STAU2: variants seen among roughly 807,000 people sequenced by gnomAD.
The protein encoded by STAU2 is staufen double-stranded RNA binding protein 2.
Under a neutral mutation model 65.9 loss-of-function variants are expected in STAU2, and 20 were observed. The ratio of observed to expected loss-of-function variants is 0.30; its 90% CI spans 0.21 to 0.44. STAU2 has a LOEUF of 0.44. Ranked by LOEUF, STAU2 falls within the 20% of genes least tolerant of loss-of-function variation. The pLI is 1.00. For missense variants in STAU2, 558 were observed against 683.9 expected, an observed-to-expected ratio of 0.82 and a Z score of 2.05; for synonymous variants, 232 against 233.9, an observed-to-expected ratio of 0.99 and a Z score of 0.07.
Position 73,709,051 on chromosome 8 carries a change from C to G in STAU2, c.95G>C (p.Arg32Thr). ...CCTTACCTTTGAATGAGCAGGCCCT[C>G]TTTCATTCAGAAGTTTATACTGGGG... Reference protein sequence around the residue: ...VQPQYKLLNERGPAHSKMFSV... With the variant: ...VQPQYKLLNETGPAHSKMFSV... The change falls in exon 4 of 15, where the codon AGA becomes ACA. Residue 32 changes from arginine (R) to threonine (T), a missense_variant. Physicochemically the swap from Arg to Thr is moderately conservative, Grantham distance 71 (BLOSUM62 -1). This residue lies in a region of STAU2 where 112 missense variants were observed against 114.2 expected (regional missense o/e 0.98). Transcript: ENST00000524300. 1 of 1,529,488 alleles carries G rather than the reference C, an allele frequency of 6.5e-7. No homozygotes were observed. Among genetic ancestry groups the G allele is most frequent in the Admixed American group, 2.0e-5 (1 of 50,350 alleles). 94.7% of individuals were successfully genotyped at this position (1,529,488 alleles called of 1,614,324 possible). A position where few individuals can be genotyped will look rare whatever the true frequency, so the allele number is the denominator to read the frequency against.
chr8:73,538,396 G>A (rs1806319177), intron 13 of STAU2, among the ~76,000 whole-genome samples: 1 of 152,058 alleles, frequency 6.6e-6, no homozygotes, highest in South Asian at 2.1e-4. Flanking sequence ...AAGTAGCCAA[G>A]AGCCTATTAA....
chr8:73,590,394 G>C (rs1207598967), intron 11 of STAU2, among the ~76,000 whole-genome samples: 1 of 152,090 alleles, frequency 6.6e-6, no homozygotes, highest in Non-Finnish European at 1.5e-5. Flanking sequence ...ACTTTACATT[G>C]AAAATTATGC....
chr8:73,515,492 A>G (rs1585911920), intron 13 of STAU2, among the ~76,000 whole-genome samples: 1 of 152,160 alleles, frequency 6.6e-6, no homozygotes, highest in African/African-American at 2.4e-5. Flanking sequence ...CCTGAAATGT[A>G]AAGTGCAGAC....
chr8:73,552,987 G>A (rs749712235), intron 12 of STAU2, among the ~76,000 whole-genome samples: 9 of 152,156 alleles, frequency 5.9e-5, no homozygotes, highest in Non-Finnish European at 1.3e-4. Context: ...TAGTTATCGT[G>A]TTGCTCAAAC....
intron 6 of STAU2, among the ~76,000 whole-genome samples, chr8:73,646,876 A>G (rs978839905): frequency 1.3e-5 from 2 of 152,000 alleles, no homozygotes; most frequent in Non-Finnish European, 2.9e-5. Flanking sequence ...AACAGTAAAA[A>G]AAAAACAATT....
chr8:73,478,391 A>T (rs1820432443), intron 13 of STAU2, among the ~76,000 whole-genome samples: 1 of 152,062 alleles, frequency 6.6e-6, no homozygotes, highest in South Asian at 2.1e-4. Flanking sequence ...GCTGCATTCA[A>T]ACCTGTCCTG....
At chr8:73,575,353 G>A (rs767300761) in intron 12 of STAU2, among the ~76,000 whole-genome samples, 3 of 152,160 alleles carry the variant, frequency 2.0e-5, no homozygotes, top group Non-Finnish European at 4.4e-5. Flanking sequence ...CTGTGTTCCT[G>A]AAGCTGTAGG....
chr8:73,600,379 C>A (rs73330813), intron 10 of STAU2, among the ~76,000 whole-genome samples: 2 of 152,060 alleles, frequency 1.3e-5, no homozygotes, highest in African/African-American at 4.8e-5. Flanking sequence ...ACCACTATGT[C>A]GTGACAAATC....
chr8:73,521,560 T>C (rs1305629987), intron 13 of STAU2, among the ~76,000 whole-genome samples: 1 of 152,226 alleles, frequency 6.6e-6, no homozygotes, highest in Admixed American at 6.5e-5. Context: ...CAACTTACAA[T>C]GATTCAACTT....
intron 9 of STAU2, among the ~76,000 whole-genome samples, chr8:73,605,485 TTTTCATAGAGACAGGG>T (rs888224584): frequency 3.3e-5 from 5 of 151,812 alleles, no homozygotes; most frequent in Non-Finnish European, 5.9e-5. Context: ...ATCTCTGTAT[TTTTCATAGAGACAGGG>T]TTTCACCATG....
At chr8:73,641,246 C>T (rs563009972) in intron 6 of STAU2, among the ~76,000 whole-genome samples, 1 of 152,114 alleles carries the variant, frequency 6.6e-6, no homozygotes, top group Admixed American at 6.5e-5. Context: ...TATTAACGAG[C>T]TACTAGGGAG....
At chr8:73,571,988 T>C (rs560755153) in intron 12 of STAU2, among the ~76,000 whole-genome samples, 5 of 151,906 alleles carry the variant, frequency 3.3e-5, no homozygotes, top group African/African-American at 9.7e-5. Flanking sequence ...ATCAACAAAA[T>C]TGATAGACCG....
intron 12 of STAU2, among the ~76,000 whole-genome samples, chr8:73,569,492 G>A (rs759989486): frequency 9.9e-5 from 15 of 152,190 alleles, no homozygotes; most frequent in Non-Finnish European, 4.4e-5. Context: ...TGAGATCTGA[G>A]AACAGACAGA....
At chr8:73,555,905 A>C (rs1249642953) in intron 12 of STAU2, among the ~76,000 whole-genome samples, 1 of 151,700 alleles carries the variant, frequency 6.6e-6, no homozygotes, top group African/African-American at 2.4e-5. Context: ...CTACATTAAC[A>C]TGTGTTAGTT....
At chr8:73,697,086 C>T (rs569189907) in intron 4 of STAU2, among the ~76,000 whole-genome samples, 1 of 152,220 alleles carries the variant, frequency 6.6e-6, no homozygotes, top group South Asian at 2.1e-4. Flanking sequence ...CAGAGTCTCA[C>T]TCTGTCACCC....
At chr8:73,513,729 G>A (rs965443432) in intron 13 of STAU2, among the ~76,000 whole-genome samples, 5 of 152,148 alleles carry the variant, frequency 3.3e-5, no homozygotes, top group Admixed American at 3.3e-4. Context: ...TGAGTTGCTA[G>A]CTAGCCTTTC....
At chr8:73,714,647 A>C (rs1242399368) in intron 3 of STAU2, among the ~76,000 whole-genome samples, 1 of 152,222 alleles carries the variant, frequency 6.6e-6, no homozygotes, top group East Asian at 1.9e-4. Context: ...TATGAAAAGG[A>C]ACCTAGAAGC....
intron 6 of STAU2, among the ~76,000 whole-genome samples, chr8:73,640,731 AGACTGCCAAC>A (rs773229309): frequency 2.0e-5 from 3 of 152,228 alleles, no homozygotes; most frequent in African/African-American, 4.8e-5. Context: ...TGTGGGCTCT[AGACTGCCAAC>A]CCCTGCCTCA....
chr8:73,508,005 TAAGAG>T (rs1051484002), intron 13 of STAU2, among the ~76,000 whole-genome samples: 3 of 152,338 alleles, frequency 2.0e-5, no homozygotes, highest in Admixed American at 1.3e-4. Context: ...GGCTTTGGCT[TAAGAG>T]AATGCTGTGG....
Sources: gnomAD v4.1 joint callset for allele counts (sites outside exome capture counted in the v4.1 genomes callset) on GRCh38, gnomAD v4.1.1 for gene constraint, gnomAD v4.1.1 regional missense constraint, MANE v1.5 for transcripts, NCBI Gene and HGNC (gene_info 2026-07-23, HGNC 2026-07-21) for gene names.